Variants in TRMT2B observed in about 807,000 individuals in gnomAD.
The protein encoded by TRMT2B is tRNA (uracil-5-)-methyltransferase homolog B.
In TRMT2B, 34 loss-of-function variants were observed where a neutral mutation model predicts 39.7. That is an observed-to-expected ratio of 0.86 (90% confidence interval 0.65 to 1.14). The LOEUF is 1.14. TRMT2B is among the 50% of genes most tolerant of loss of function. TRMT2B has a pLI of 0.00. For synonymous variants in TRMT2B, 132 were observed against 137.3 expected, an observed-to-expected ratio of 0.96 and a Z score of 0.27; for missense variants, 318 against 377.2, an observed-to-expected ratio of 0.84 and a Z score of 1.30.
chrX:101,002,677 G>A, the TRMT2B span, among the ~76,000 whole-genome samples: 2 of 109,516 alleles, frequency 1.8e-5, no homozygotes, highest in East Asian at 2.9e-4. Flanking sequence ...TACTTGGGAG[G>A]CTGAGGCAGG....
At chrX:101,033,570 G>A (rs968352448) in intron 7 of TRMT2B, among the ~76,000 whole-genome samples, 28 of 109,855 alleles carry the variant, frequency 2.5e-4, no homozygotes, top group African/African-American at 8.6e-4. Flanking sequence ...ACTACAGCCC[G>A]GGCGACAGAG....
the TRMT2B span, among the ~76,000 whole-genome samples, chrX:100,984,268 C>T: frequency 3.6e-5 from 4 of 109,724 alleles, no homozygotes; most frequent in Non-Finnish European, 3.8e-5. Flanking sequence ...CGTGTGCCAC[C>T]GCACCCGGCT....
At chrX:101,044,365 G>A (rs997724993) in intron 2 of TRMT2B, among the ~76,000 whole-genome samples, 15 of 112,004 alleles carry the variant, frequency 1.3e-4, no homozygotes, top group African/African-American at 3.6e-4. Flanking sequence ...AGGATAAGTC[G>A]AGAGAGATGG....
chrX:101,051,895 C>G lies in TRMT2B; in HGVS notation c.-585G>C, dbSNP rs1476574246. 1 of 164,817 alleles carries G rather than the reference C, an allele frequency of 6.1e-6. No individual in the cohort carries two copies. The highest frequency in any genetic ancestry group is 2.6e-4 in the East Asian group (1 of 3,781). 13.6% of individuals were successfully genotyped at this position (164,817 alleles called of 1,213,427 possible). ...AACAGTCACTTCCTGGTGCGCAAGG[C>G]GCCTCTACTCCCGCCGCACGCGCAG... On this transcript the variant is annotated 5_prime_UTR_variant, in exon 1 of 14. Transcript: ENST00000372936.
chrX:101,045,035 A>T (rs1349488678), intron 2 of TRMT2B, among the ~76,000 whole-genome samples: 2 of 105,531 alleles, frequency 1.9e-5, no homozygotes, highest in African/African-American at 6.9e-5. Context: ...TGTCTCAAAA[A>T]AAAAAGGGGG....
intron 7 of TRMT2B, among the ~76,000 whole-genome samples, chrX:101,027,379 A>C (rs926362783): frequency 1.0e-4 from 11 of 105,700 alleles, no homozygotes; most frequent in South Asian, 8.7e-4. Context: ...CTACAGGCGC[A>C]CGCCAACAAG....
At chrX:101,048,260 G>A (rs1396986608) in intron 2 of TRMT2B, among the ~76,000 whole-genome samples, 1 of 110,645 alleles carries the variant, frequency 9.0e-6, no homozygotes, top group Non-Finnish European at 1.9e-5. Flanking sequence ...TGATTACAAA[G>A]TACTAAAGAA....
At chrX:100,978,500 G>C in the TRMT2B span, among the ~76,000 whole-genome samples, 1 of 110,984 alleles carries the variant, frequency 9.0e-6, no homozygotes, top group Non-Finnish European at 1.9e-5. Flanking sequence ...AATCTGTTTT[G>C]TCTGAAGTAT....
downstream of TRMT2B, among the ~76,000 whole-genome samples, chrX:101,006,077 C>T (rs1034850811): frequency 1.8e-5 from 2 of 108,548 alleles, no homozygotes; most frequent in Middle Eastern, 4.7e-3. Flanking sequence ...AAAAATCAGC[C>T]GGGTGTGGTA....
chrX:101,006,641 A>G (rs892353850), downstream of TRMT2B, among the ~76,000 whole-genome samples: 2 of 109,848 alleles, frequency 1.8e-5, no homozygotes, highest in Non-Finnish European at 3.8e-5. Context: ...TATCACTACA[A>G]AAAAATTAAA....
At chrX:101,014,342 T>G (rs1384204462) in intron 13 of TRMT2B, among the ~76,000 whole-genome samples, 1 of 110,442 alleles carries the variant, frequency 9.1e-6, no homozygotes. Context: ...CTCTCTCTTT[T>G]TTTTACTGTT....
At chrX:100,975,041 C>T in the TRMT2B span, among the ~76,000 whole-genome samples, 2 of 111,817 alleles carry the variant, frequency 1.8e-5, no homozygotes, top group African/African-American at 3.3e-5. Flanking sequence ...ATTCAATCCA[C>T]ATAGCTACCA....
chrX:100,983,703 A>T, the TRMT2B span, among the ~76,000 whole-genome samples: 1 of 111,890 alleles, frequency 8.9e-6, no homozygotes, highest in African/African-American at 3.3e-5. Context: ...CAAATATCAC[A>T]TCAAAGTTTT....
chrX:101,048,113 TACACACACACACACACAC>T (rs56212711), intron 2 of TRMT2B, among the ~76,000 whole-genome samples: 20 of 90,399 alleles, frequency 2.2e-4, no homozygotes, highest in African/African-American at 7.9e-4. Flanking sequence ...TTTATACACA[TACACACACACACACACAC>T]ACACACACAC....
At chrX:100,973,697 G>A in the TRMT2B span, 14 of 1,208,944 alleles carry the variant, frequency 1.2e-5, no homozygotes, top group African/African-American at 5.2e-5. Flanking sequence ...ATCATGTTCC[G>A]GCTTTTGTCC....
the TRMT2B span, chrX:100,973,599 T>C: frequency 2.0e-6 from 2 of 1,009,533 alleles, no homozygotes; most frequent in Non-Finnish European, 2.8e-6. Flanking sequence ...AGCACCTGTT[T>C]AGTCATAAGC....
At chrX:100,973,828 C>T in the TRMT2B span, 1 of 989,107 alleles carries the variant, frequency 1.0e-6, no homozygotes, top group African/African-American at 1.9e-5. Context: ...AGGGACAAAT[C>T]TTCATAATAT....
At chrX:100,979,017 T>G in the TRMT2B span, among the ~76,000 whole-genome samples, 1 of 111,775 alleles carries the variant, frequency 8.9e-6, no homozygotes, top group Middle Eastern at 4.7e-3. Flanking sequence ...AATTGTACAC[T>G]TTAACTTCAT....
intron 3 of TRMT2B, 51 bp from the exon 4 acceptor site, chrX:101,041,422 G>A (rs1377910516): frequency 9.2e-7 from 1 of 1,085,657 alleles, no homozygotes; most frequent in Non-Finnish European, 1.3e-6. Flanking sequence ...TATGTACTGA[G>A]TGCCTACTAT....
Sources: allele counts gnomAD v4.1 joint callset (sites outside exome capture counted in the v4.1 genomes callset), GRCh38; gene constraint gnomAD v4.1.1; transcripts MANE v1.5; gene names NCBI Gene and HGNC (gene_info 2026-07-23, HGNC 2026-07-21).